RAB31: variants seen among roughly 807,000 people sequenced by gnomAD.
The protein encoded by RAB31 is ras-related protein Rab-31.
In RAB31, 21 loss-of-function variants were observed where a neutral mutation model predicts 25.6. That is an observed-to-expected ratio of 0.82 (90% CI 0.58 to 1.18). The LOEUF is 1.18. Among genes scored for constraint, RAB31 ranks in the 50% most tolerant of loss-of-function variants. The pLI, the probability that RAB31 is intolerant of heterozygous loss-of-function variation, is 0.00. For missense variants in RAB31, 196 were observed against 250.1 expected, an observed-to-expected ratio of 0.78 and a Z score of 1.46; for synonymous variants, 87 against 84.0, an observed-to-expected ratio of 1.04 and a Z score of -0.20.
chr18:9,845,823 C>G, intron 6 of RAB31, 132 bp downstream of exon 6: 1 of 1,348,570 alleles, frequency 7.4e-7, no homozygotes, highest in Non-Finnish European at 9.7e-7. Context: ...GATACAAAAT[C>G]TACAGCTATG....
At chr18:9,748,437 T>A (rs914246242) in intron 1 of RAB31, among the ~76,000 whole-genome samples, 1 of 151,988 alleles carries the variant, frequency 6.6e-6, no homozygotes, top group Non-Finnish European at 1.5e-5. Context: ...GCCCAGAAGG[T>A]TGAGGCTACA....
At chr18:9,843,543 CAAAAA>C (rs11291478) in intron 5 of RAB31, among the ~76,000 whole-genome samples, 1 of 68,432 alleles carries the variant, frequency 1.5e-5, no homozygotes, top group East Asian at 4.2e-4. Context: ...AAGACACTGT[CAAAAA>C]AAAAAAAAAA....
chr18:9,845,837 T>C, intron 6 of RAB31, 146 bp downstream of exon 6: 3 of 1,241,102 alleles, frequency 2.4e-6, no homozygotes, highest in South Asian at 1.8e-5. Flanking sequence ...AGCTATGCAG[T>C]TGTTAATACC....
intron 1 of RAB31, among the ~76,000 whole-genome samples, chr18:9,709,024 C>T (rs1224053537): frequency 2.0e-5 from 3 of 152,180 alleles, no homozygotes; most frequent in Admixed American, 6.5e-5. Flanking sequence ...AAGCCGAGGG[C>T]GCGGCCGGGG....
intron 6 of RAB31, among the ~76,000 whole-genome samples, chr18:9,846,840 C>T (rs1157470764): frequency 3.3e-5 from 5 of 152,244 alleles, no homozygotes; most frequent in African/African-American, 1.2e-4. Flanking sequence ...GTCTTACCTA[C>T]ACTATGCAGA....
At chr18:9,853,963 C>CTTTTCT (rs1555692839) in intron 6 of RAB31, among the ~76,000 whole-genome samples, 3 of 130,840 alleles carry the variant, frequency 2.3e-5, no homozygotes, top group South Asian at 2.4e-4. Context: ...CTTTTCTTTT[C>CTTTTCT]TTTTTTTTTT....
intron 1 of RAB31, among the ~76,000 whole-genome samples, chr18:9,762,173 T>C (rs369210973): frequency 2.6e-5 from 4 of 152,280 alleles, no homozygotes; most frequent in African/African-American, 9.6e-5. Context: ...TTCCATTTCT[T>C]AGGAGCAAGT....
chr18:9,709,623 AAACCATCCCTTACGCT>A (rs1441018340), intron 1 of RAB31, among the ~76,000 whole-genome samples: 2 of 152,132 alleles, frequency 1.3e-5, no homozygotes, highest in Non-Finnish European at 2.9e-5. Context: ...GCCTCTTCCA[AAACCATCCCTTACGCT>A]AACTCGATTG....
Position 9,724,279 on chromosome 18 carries a change from A to C in RAB31, c.39+15835A>C, listed in dbSNP as rs1286001669. On this transcript the variant is annotated intron_variant, in intron 1 of 6. Transcript: ENST00000578921. ...GAGCGAGACTCCGTCTCAAAAAAAA[A>C]AAAAAAAACAAAAAAAAAACATTAT... Among the ~76,000 whole-genome samples, 4 of 123,278 alleles carry C rather than the reference A, an allele frequency of 3.2e-5. 1 individual carries two copies. The South Asian group carries it at 6.8e-4, about 21-fold the overall frequency. The allele number at this position is 123,278 out of a possible 152,430, so 80.9% of individuals were successfully genotyped here. A position where few individuals can be genotyped will look rare whatever the true frequency, so the allele number is the denominator to read the frequency against.
chr18:9,749,312 G>A (rs1476939426), intron 1 of RAB31, among the ~76,000 whole-genome samples: 2 of 151,750 alleles, frequency 1.3e-5, no homozygotes, highest in Non-Finnish European at 2.9e-5. Flanking sequence ...TCTAAGGGAG[G>A]TGCTACCATT....
intron 5 of RAB31, among the ~76,000 whole-genome samples, chr18:9,826,380 TACAAACAA>T (rs201178365): frequency 6.6e-6 from 1 of 151,738 alleles, no homozygotes; most frequent in Non-Finnish European, 1.5e-5. Flanking sequence ...TGTCTCAAAA[TACAAACAA>T]ACAAACAAAC....
chr18:9,795,402 A>C (rs1201235031), intron 3 of RAB31, among the ~76,000 whole-genome samples: 2 of 152,246 alleles, frequency 1.3e-5, no homozygotes, highest in Non-Finnish European at 2.9e-5. Context: ...AATTAAACTA[A>C]AAAGCTTCTG....
chr18:9,802,169 T>A (rs1253572727), intron 3 of RAB31, among the ~76,000 whole-genome samples: 5 of 152,242 alleles, frequency 3.3e-5, no homozygotes, highest in African/African-American at 1.2e-4. Context: ...TATGTTGCAT[T>A]TCCAAATGAA....
At chr18:9,773,862 T>C (rs1231666872) in intron 1 of RAB31, among the ~76,000 whole-genome samples, 1 of 152,138 alleles carries the variant, frequency 6.6e-6, no homozygotes, top group Non-Finnish European at 1.5e-5. Flanking sequence ...GGTCTTGCTA[T>C]GTTGCCCAGG....
intron 1 of RAB31, among the ~76,000 whole-genome samples, chr18:9,740,509 T>A (rs548473830): frequency 1.3e-3 from 196 of 152,014 alleles, no homozygotes; most frequent in African/African-American, 4.3e-3. Context: ...AGGTCAGGAG[T>A]TCGAGACCAG....
chr18:9,720,923 A>G (rs1299965212), intron 1 of RAB31, among the ~76,000 whole-genome samples: 1 of 152,116 alleles, frequency 6.6e-6, no homozygotes, highest in Non-Finnish European at 1.5e-5. Context: ...GTCTGGCATC[A>G]ACAGGATGCA....
At position 9,802,767 on chromosome 18, in the gene RAB31, C is replaced by T. The variant is rs567299733; in HGVS notation, c.201+10532C>T. On this transcript the variant is annotated intron_variant, in intron 3 of 6. Coordinates refer to ENST00000578921, the MANE Select transcript of RAB31 (RefSeq NM_006868.4). The stretch of plus-strand genomic sequence containing the variant: ...GCACTGGCACAAAGCTGTGCGGAAT[C>T]GCTGGGTCTGAATGGGTCCTTGAGA... Among the ~76,000 whole-genome samples, 48 of 152,330 alleles carry T rather than the reference C, an allele frequency of 3.2e-4. 1 individual carries two copies. The South Asian group carries it at 7.7e-3, about 24-fold the overall frequency.
chr18:9,826,168 G>C (rs1014943175), intron 5 of RAB31, among the ~76,000 whole-genome samples: 13 of 151,420 alleles, frequency 8.6e-5, no homozygotes, highest in Admixed American at 7.3e-4. Flanking sequence ...CCTGAGGTTG[G>C]GAGTTCAAGA....
At chr18:9,767,926 G>A (rs1313044702) in intron 1 of RAB31, among the ~76,000 whole-genome samples, 1 of 151,852 alleles carries the variant, frequency 6.6e-6, no homozygotes, top group Non-Finnish European at 1.5e-5. Flanking sequence ...GTGTCCATGT[G>A]TTCTCATTGT....
Sources: gnomAD v4.1 joint callset for allele counts (sites outside exome capture counted in the v4.1 genomes callset) on GRCh38, gnomAD v4.1.1 for gene constraint, MANE v1.5 for transcripts, NCBI Gene and HGNC (gene_info 2026-07-23, HGNC 2026-07-21) for gene names.